ARHGEF18: variants seen among roughly 807,000 people sequenced by gnomAD.
ARHGEF18 encodes Rho/Rac guanine nucleotide exchange factor 18.
In ARHGEF18, 93 loss-of-function variants were observed where a neutral mutation model predicts 155.7. That is an observed-to-expected ratio of 0.60 (90% CI 0.50 to 0.71). ARHGEF18 has a LOEUF of 0.71. ARHGEF18 is among the 30% of genes least tolerant of loss of function. ARHGEF18 has a pLI of 0.00. For missense variants in ARHGEF18, 1,593 were observed against 1,816.1 expected (o/e 0.88, Z 2.23); for synonymous variants, 742 against 753.1 (o/e 0.99, Z 0.24).
rs978944792 is a variant in ARHGEF18, at chr19:7,431,399, C to T, written c.968-8945C>T. On this transcript the variant is annotated intron_variant, in intron 10 of 28. Coordinates refer to ENST00000668164, the MANE Select transcript of ARHGEF18 (RefSeq NM_001367823.1). ...GGGCATGGATGTGGGCGGCCATAAT[C>T]CCAGCTACTCAGGAGGTTGAGGCAG... Among the ~76,000 whole-genome samples the T allele has an allele frequency of 3.3e-5, 5 of 151,164 alleles. No homozygotes were observed. In the East Asian group the frequency reaches 7.8e-4, roughly 23 times the overall value.
In ARHGEF18 at chr19:7,419,927, G is replaced by A. The variant is rs192637807; in HGVS notation, c.968-20417G>A. Among the ~76,000 whole-genome samples the A allele has an allele frequency of 2.0e-3, 295 of 151,252 alleles. 2 individuals are homozygous for A. Among genetic ancestry groups the A allele is most frequent in the Admixed American group, 2.4e-3 (36 of 15,166 alleles). On this transcript the variant is annotated intron_variant, in intron 10 of 28. Coordinates refer to ENST00000668164, the MANE Select transcript of ARHGEF18 (RefSeq NM_001367823.1). ...CTGTACCCCAGATACACCCACACTC[G>A]GCCTCTGTACCCCAGGTGTACTCAC...
At position 7,469,073 on chromosome 19, in the gene ARHGEF18, C is replaced by T. The variant is rs367658293; in HGVS notation, c.3729C>T (p.Thr1243=). ...QQIPTKLAAS[T]KGGKDKGGKS... ...TCCCCACCAAGCTGGCGGCCTCCAC[C>T]AAGGGTGGCAAGGACAAGGGCGGCA... The change falls in exon 27 of 29, where the codon ACC becomes ACT. Residue 1243 remains threonine, a synonymous_variant. Coordinates refer to ENST00000668164, the MANE Select transcript of ARHGEF18 (RefSeq NM_001367823.1). 6.2e-7 allele frequency: 1 copy of T among 1,608,784 alleles called. No individual in the cohort carries two copies. The highest frequency in any genetic ancestry group is 8.5e-7 in the Non-Finnish European group (1 of 1,178,656).
rs540282893 is a variant in ARHGEF18, at chr19:7,395,197, G to A, written c.967+11994G>A. 9 of 986,210 alleles carry A rather than the reference G, an allele frequency of 9.1e-6. No individual in the cohort carries two copies. The South Asian group carries it at 1.4e-4, about 15-fold the overall frequency. The allele number at this position is 986,210 out of a possible 1,614,324, so 61.1% of individuals were successfully genotyped here. A position where few individuals can be genotyped will look rare whatever the true frequency, so the allele number is the denominator to read the frequency against. On this transcript the variant is annotated intron_variant, in intron 10 of 28. Transcript: ENST00000668164. This position sits in a 1 kb window ranked among gnomAD's most constrained non-coding sequence, Gnocchi z 5.0. Reference sequence around the variant, plus strand: ...GGACGGAGGCATCGGAGGCGGCTGCGAGAGTGGCAGAGGAGCTGGCGGAGA... The same window carrying A: ...GGACGGAGGCATCGGAGGCGGCTGCAAGAGTGGCAGAGGAGCTGGCGGAGA...
intron 23 of ARHGEF18, 76 bp from the exon 24 acceptor site, chr19:7,466,842 G>GAAGAAGAAC: frequency 1.5e-6 from 1 of 687,418 alleles, no homozygotes; most frequent in African/African-American, 2.4e-5. Context: ...AAAAAAAGAA[G>GAAGAAGAAC]AAGAAGAAGA....
intron 10 of ARHGEF18, among the ~76,000 whole-genome samples, chr19:7,407,778 C>T (rs568519802): frequency 6.6e-6 from 1 of 151,674 alleles, no homozygotes; most frequent in Admixed American, 6.6e-5. Flanking sequence ...TTGACTAAAA[C>T]GGTGAAACCC....
intron 2 of ARHGEF18, among the ~76,000 whole-genome samples, chr19:7,365,425 A>G (rs908175357): frequency 1.1e-4 from 16 of 152,144 alleles, no homozygotes; most frequent in African/African-American, 2.7e-4. Flanking sequence ...AGGAAAAAAG[A>G]CACTGAGATG....
In ARHGEF18 at chr19:7,354,546, G is replaced by A. The variant is rs949099176; in HGVS notation, c.-111+5305G>A. ...ACGCTGATAAAGGAGCTTCCACCAC[G>A]AGGGGGCAGCACCTGCACGGATGAG... On this transcript the variant is annotated intron_variant, in intron 1 of 28. Coordinates refer to ENST00000668164, the MANE Select transcript of ARHGEF18 (RefSeq NM_001367823.1). Among the ~76,000 whole-genome samples the A allele has an allele frequency of 4.6e-5, 7 of 152,270 alleles. No individual in the cohort carries two copies. In the East Asian group the frequency reaches 1.4e-3, roughly 29 times the overall value.
chr19:7,429,384 C>T (rs1679137917), intron 10 of ARHGEF18, among the ~76,000 whole-genome samples: 1 of 152,134 alleles, frequency 6.6e-6, no homozygotes, highest in South Asian at 2.1e-4. Flanking sequence ...AGGCAGATCA[C>T]TTGAGGTCAG....
rs1975163939 is a variant in ARHGEF18 at position 7,448,646 on chromosome 19, A to G, written c.1737+1478A>G. Among the ~76,000 whole-genome samples, 3 of 151,328 alleles carry G rather than the reference A, an allele frequency of 2.0e-5. No individual in the cohort carries two copies. In the South Asian group the frequency reaches 6.3e-4, roughly 32 times the overall value. ...ACTGCACTCCAGCCTGGGCAACAAG[A>G]GCGAAACTCCGTCTCAAAAAAATAC... On this transcript the variant is annotated intron_variant, in intron 15 of 28. Transcript: ENST00000668164.
At chr19:7,476,848 G>A (rs1016392662), downstream of ARHGEF18, 4 of 244,814 alleles carry the variant, frequency 1.6e-5, no homozygotes, top group Non-Finnish European at 3.1e-5. Context: ...AGCCAGCAGT[G>A]TAATAACCTT....
intron 27 of ARHGEF18, among the ~76,000 whole-genome samples, chr19:7,469,433 C>G (rs116015835): frequency 0.029 from 4,358 of 152,246 alleles, 207 homozygotes; most frequent in African/African-American, 0.095. Flanking sequence ...CACGTGGGAT[C>G]AGCACAGCCG....
At chr19:7,451,301 C>T in intron 16 of ARHGEF18, 35 bp downstream of exon 16, 2 of 1,587,856 alleles carry the variant, frequency 1.3e-6, no homozygotes, top group South Asian at 2.2e-5. Context: ...CCCGCCCGTG[C>T]TGCTGCAGCA....
chr19:7,469,938 C>A lies in ARHGEF18; in HGVS notation c.3822C>A (p.Asn1274Lys). 1 of 1,613,088 alleles carries A rather than the reference C, an allele frequency of 6.2e-7. No homozygotes were observed. Among genetic ancestry groups the A allele is most frequent in the Non-Finnish European group, 8.5e-7 (1 of 1,179,878 alleles). The part of the protein sequence containing the change: ...SFDLKQQLLL[N>K]KLMGKDESTS... Reference sequence around the variant, plus strand: ...ACCTGAAGCAGCAGCTGCTGCTCAACAAGCTCATGGGGAAAGATGAGAGCA... The same window carrying A: ...ACCTGAAGCAGCAGCTGCTGCTCAAAAAGCTCATGGGGAAAGATGAGAGCA... Residue 1274 changes from asparagine to lysine, a missense_variant, in exon 28 of 29, where the codon AAC (asparagine) becomes AAA (lysine). By Grantham distance (94) the Asn-to-Lys change is moderately conservative. Transcript: ENST00000668164.
chr19:7,396,319 T>TTCC (rs1971706941), intron 10 of ARHGEF18, among the ~76,000 whole-genome samples: 1 of 152,146 alleles, frequency 6.6e-6, no homozygotes, highest in Non-Finnish European at 1.5e-5. Flanking sequence ...CCCCATTCTC[T>TTCC]TCCCATTGAC....
chr19:7,460,424 C>A (rs2145876724), intron 20 of ARHGEF18, among the ~76,000 whole-genome samples: 1 of 152,286 alleles, frequency 6.6e-6, no homozygotes, highest in South Asian at 2.1e-4. Context: ...CCACAGCACT[C>A]ACCCTCCCAA....
chr19:7,432,431 G>C (rs557121365), intron 10 of ARHGEF18, among the ~76,000 whole-genome samples: 1 of 152,150 alleles, frequency 6.6e-6, no homozygotes. Context: ...CTGAGACCAG[G>C]CCTTGAAACC....
At chr19:7,412,634 C>G (rs1972756201) in intron 10 of ARHGEF18, among the ~76,000 whole-genome samples, 1 of 150,926 alleles carries the variant, frequency 6.6e-6, no homozygotes, top group South Asian at 2.1e-4. Flanking sequence ...CCCAGCTACT[C>G]AGGAGGCTGA....
At position 7,462,058 on chromosome 19, in the gene ARHGEF18, G is replaced by A. The variant is rs1976299967; in HGVS notation, c.2453-94G>A. ...GGCAGCCTACCTCAGGGCAGGGCCA[G>A]CGGGGTTCCTCATCCTTAGGCCAGT... On this transcript the variant is annotated intron_variant, in intron 20 of 28. Transcript: ENST00000668164. This position sits in a 1 kb window ranked among gnomAD's most constrained non-coding sequence, Gnocchi z 4.4. 6.7e-7 allele frequency: 1 copy of A among 1,489,836 alleles called. No homozygotes were observed. The highest frequency in any genetic ancestry group is 1.4e-5 in the African/African-American group (1 of 72,526). 92.3% of individuals were successfully genotyped at this position (1,489,836 alleles called of 1,614,324 possible).
Position 7,444,522 on chromosome 19 carries a change from T to C in ARHGEF18, c.1611+68T>C, listed in dbSNP as rs747685833. ...GCCTTGTCTCTGTTCCTTTCTTCTTTTTTTCTGAGATAGGGTCTTGCCGTG... is the reference window on the plus strand; with the variant it reads ...GCCTTGTCTCTGTTCCTTTCTTCTTCTTTTCTGAGATAGGGTCTTGCCGTG... On this transcript the variant is annotated intron_variant, in intron 14 of 28. Transcript: ENST00000668164. This position sits in a 1 kb window ranked among gnomAD's most constrained non-coding sequence, Gnocchi z 4.7. 19 of 1,572,584 alleles carry C rather than the reference T, an allele frequency of 1.2e-5. No individual in the cohort carries two copies. Among genetic ancestry groups the C allele is most frequent in the Non-Finnish European group, 1.6e-5 (18 of 1,160,560 alleles).
Sources: allele counts gnomAD v4.1 joint callset (sites outside exome capture counted in the v4.1 genomes callset), GRCh38; gene constraint gnomAD v4.1.1; non-coding constraint Gnocchi (gnomAD v3.1); transcripts MANE v1.5; gene names NCBI Gene and HGNC (gene_info 2026-07-23, HGNC 2026-07-21).